The following NCAPH variants were observed in gnomAD, a reference collection of about 807,000 sequenced individuals.
The protein encoded by NCAPH is condensin complex subunit 2.
NCAPH carries 38 observed loss-of-function variants against 85.5 expected under a neutral mutation model. That is an observed-to-expected ratio of 0.44 (90% CI 0.34 to 0.58). The LOEUF is 0.58. NCAPH is among the 20% of genes least tolerant of loss of function. The pLI is 0.01. For missense variants in NCAPH, 789 were observed against 916.6 expected (o/e 0.86, Z 1.80); for synonymous variants, 301 against 335.1 (o/e 0.90, Z 1.11).
At chr2:96,373,165 C>A in intron 17 of NCAPH, 127 bp from the exon 18 acceptor site, 1 of 735,022 alleles carries the variant, frequency 1.4e-6, no homozygotes, top group Non-Finnish European at 2.3e-6. Flanking sequence ...TGCTATGAAA[C>A]AGTTTTTCTT....
Position 96,351,973 on chromosome 2 carries a change from C to T in NCAPH, c.863C>T (p.Pro288Leu), listed in dbSNP as rs2064450442. The change falls in exon 7 of 18, where the codon CCT (proline) becomes CTT (leucine). Residue 288 changes from proline (P) to leucine (L), a missense_variant. Physicochemically the swap from Pro to Leu is moderately conservative, Grantham distance 98. Coordinates refer to ENST00000240423, the MANE Select transcript of NCAPH (RefSeq NM_015341.5). ...SDVQTLSTGE[P>L]LELPELGCVE... ...GTCCAGACTCTCTCCACGGGAGAAC[C>T]TCTCGAGTTGCCAGAGTTAGGTTGT... 1.2e-6 allele frequency: 2 copies of T among 1,613,992 alleles called. No individual in the cohort carries two copies. The highest frequency in any genetic ancestry group is 1.7e-5 in the Admixed American group (1 of 59,970).
At chr2:96,367,591 T>C (rs2064717958) in intron 15 of NCAPH, among the ~76,000 whole-genome samples, 1 of 152,130 alleles carries the variant, frequency 6.6e-6, no homozygotes, top group Admixed American at 6.5e-5. Flanking sequence ...GAGGTTACAG[T>C]GAGCTATGAT....
At chr2:96,351,712 G>A in intron 6 of NCAPH, 119 bp from the exon 7 acceptor site, 1 of 669,548 alleles carries the variant, frequency 1.5e-6, no homozygotes, top group Non-Finnish European at 2.2e-6. Context: ...TTGACCATGA[G>A]TGGAGATATT....
intron 12 of NCAPH, among the ~76,000 whole-genome samples, chr2:96,361,664 A>G (rs947097348): frequency 1.1e-4 from 17 of 150,720 alleles, no homozygotes; most frequent in African/African-American, 3.7e-4. Flanking sequence ...GCTTACTTGC[A>G]TTACTGGTTC....
In NCAPH at chr2:96,364,546, T is replaced by C; in HGVS notation, c.1653T>C (p.Asp551=). Reference sequence around the variant, plus strand: ...ATTATGAAGAAATTGAAGACTATGATTACAACAACCCTAACGACACCTCCA... The same window carrying C: ...ATTATGAAGAAATTGAAGACTATGACTACAACAACCCTAACGACACCTCCA... ...TEHYEEIEDY[D]YNNPNDTSNF... is the part of the protein sequence containing the mutation. The change falls in exon 13 of 18, where the codon GAT becomes GAC. Residue 551 remains aspartate (D), a synonymous_variant. Transcript: ENST00000240423. The C allele has an allele frequency of 6.2e-7, 1 of 1,613,828 alleles. No homozygotes were observed. The highest frequency in any genetic ancestry group is 8.5e-7 in the Non-Finnish European group (1 of 1,179,706).
chr2:96,355,375 A>G (rs897085143), intron 9 of NCAPH, among the ~76,000 whole-genome samples: 2 of 152,178 alleles, frequency 1.3e-5, no homozygotes, highest in Non-Finnish European at 2.9e-5. Context: ...GGGACAGCCA[A>G]GCTGGTTTTG....
chr2:96,361,810 A>G (rs1208791270), intron 12 of NCAPH, among the ~76,000 whole-genome samples: 69 of 80,450 alleles, frequency 8.6e-4, no homozygotes, highest in Admixed American at 2.7e-3. Context: ...ATATGTGTAT[A>G]TATATATATA....
intron 9 of NCAPH, among the ~76,000 whole-genome samples, chr2:96,357,344 G>A (rs1415238558): frequency 6.6e-6 from 1 of 152,202 alleles, no homozygotes; most frequent in African/African-American, 2.4e-5. Context: ...AAAATGGATA[G>A]ACTATTTTGG....
In NCAPH at chr2:96,369,023, G is replaced by A. The variant is rs571328297; in HGVS notation, c.2050G>A (p.Glu684Lys). The change falls in exon 16 of 18, where the codon GAG becomes AAG. Residue 684 changes from glutamate (E) to lysine (K), a missense_variant. By Grantham distance (56) the Glu-to-Lys change is moderately conservative (BLOSUM62 1). Coordinates refer to ENST00000240423, the MANE Select transcript of NCAPH (RefSeq NM_015341.5). ...AGCGGCCCTGGCAGAAGTGGCTGAC[G>A]AGAAGATGCTTAGCGGGCTCACGAA... ...KEAALAEVADEKMLSGLTKDL... is the reference protein window; with the variant it reads ...KEAALAEVADKKMLSGLTKDL... 27 of 1,556,730 alleles carry A rather than the reference G, an allele frequency of 1.7e-5. No homozygotes were observed. Among genetic ancestry groups the A allele is most frequent in the South Asian group, 1.7e-4 (14 of 84,312 alleles).
chr2:96,335,805 C>A lies in NCAPH; in HGVS notation c.-25C>A. 8 of 1,485,998 alleles carry A rather than the reference C, an allele frequency of 5.4e-6. No individual in the cohort carries two copies. The highest frequency in any genetic ancestry group is 4.5e-6 in the Non-Finnish European group (5 of 1,121,496). The allele number at this position is 1,485,998 out of a possible 1,614,324, so 92.1% of individuals were successfully genotyped here. A position where few individuals can be genotyped will look rare whatever the true frequency, so the allele number is the denominator to read the frequency against. On this transcript the variant is annotated 5_prime_UTR_variant, in exon 1 of 18. Transcript: ENST00000240423. ...GCGTCTCGACGCGCGCGATTTAAAA[C>A]CAGCTCAGGAGACGCCAAGGAAAGA... is the stretch of plus-strand genomic sequence containing the variant.
At chr2:96,340,314 CT>C in intron 1 of NCAPH, among the ~76,000 whole-genome samples, 1 of 151,102 alleles carries the variant, frequency 6.6e-6, no homozygotes, top group Non-Finnish European at 1.5e-5. Flanking sequence ...TCATCTGGAA[CT>C]TTCCCTAAAT....
chr2:96,359,269 A>T, intron 10 of NCAPH, 76 bp downstream of exon 10: 1 of 1,547,660 alleles, frequency 6.5e-7, no homozygotes, highest in East Asian at 2.3e-5. Flanking sequence ...GCCAAGGAAA[A>T]GAAATGCCAG....
chr2:96,372,680 A>G (rs1278438512), intron 17 of NCAPH, among the ~76,000 whole-genome samples: 1 of 152,114 alleles, frequency 6.6e-6, no homozygotes, highest in Non-Finnish European at 1.5e-5. Flanking sequence ...CTCAGTTCCC[A>G]GGTCAACTGT....
chr2:96,368,696 T>C (rs1383327304), intron 15 of NCAPH, among the ~76,000 whole-genome samples: 2 of 152,138 alleles, frequency 1.3e-5, no homozygotes, highest in Admixed American at 6.5e-5. Context: ...TTACTGCTTT[T>C]TTTTCTTGTT....
At chr2:96,358,681 G>T (rs2064558682) in intron 9 of NCAPH, among the ~76,000 whole-genome samples, 1 of 152,118 alleles carries the variant, frequency 6.6e-6, no homozygotes, top group African/African-American at 2.4e-5. Context: ...TGTTAGCCAG[G>T]GTGGTCTCGA....
At chr2:96,362,261 G>T (rs905914965) in intron 12 of NCAPH, among the ~76,000 whole-genome samples, 7 of 151,308 alleles carry the variant, frequency 4.6e-5, no homozygotes, top group African/African-American at 1.5e-4. Flanking sequence ...CATGAGAGGG[G>T]GTCAAAATAT....
intron 1 of NCAPH, among the ~76,000 whole-genome samples, chr2:96,336,802 G>A (rs539533104): frequency 6.6e-5 from 10 of 152,270 alleles, no homozygotes; most frequent in Admixed American, 6.5e-4. Flanking sequence ...ATGGGAACAG[G>A]TGAGAACACT....
chr2:96,344,165 T>TACACAGAACTATTGAGCAGAACATAAACA lies in NCAPH; in HGVS notation c.659_687dup (p.Leu230ThrfsTer8). The TACACAGAACTATTGAGCAGAACATAAACA allele has an allele frequency of 6.2e-7, 1 of 1,613,676 alleles. No individual in the cohort carries two copies. Among genetic ancestry groups the TACACAGAACTATTGAGCAGAACATAAACA allele is most frequent in the Non-Finnish European group, 8.5e-7 (1 of 1,179,926 alleles). ...GCTGTAAAGCCAAAGAAGAAGCACTTACACAGAACTATTGAGCAGAACATA... is the reference window on the plus strand; with the variant it reads ...GCTGTAAAGCCAAAGAAGAAGCACTTACACAGAACTATTGAGCAGAACATAAACAACACAGAACTATTGAGCAGAACATA... On this transcript the variant is annotated frameshift_variant, in exon 6 of 18. Transcript: ENST00000240423. LOFTEE classifies it high-confidence loss of function.
rs1461243746 is a variant in NCAPH, at chr2:96,376,155, T to C, written c.*2804T>C. Among the ~76,000 whole-genome samples, 1 of 152,256 alleles carries C rather than the reference T, an allele frequency of 6.6e-6. No homozygotes were observed. Among genetic ancestry groups the C allele is most frequent in the Non-Finnish European group, 1.5e-5 (1 of 68,044 alleles). On this transcript the variant is annotated 3_prime_UTR_variant, in exon 18 of 18. Coordinates refer to ENST00000240423, the MANE Select transcript of NCAPH (RefSeq NM_015341.5). ...AGCCAGCAGTATCTGCCTCAGATGC[T>C]GAGAAGCCTCCTGAGATAAGAGCGT... is the stretch of plus-strand genomic sequence containing the variant.
Sources: gnomAD v4.1 joint callset for allele counts (sites outside exome capture counted in the v4.1 genomes callset) on GRCh38, gnomAD v4.1.1 for gene constraint, MANE v1.5 for transcripts, NCBI Gene and HGNC (gene_info 2026-07-23, HGNC 2026-07-21) for gene names.